The following CTSH variants were observed in gnomAD, a reference collection of about 807,000 sequenced individuals.
CTSH encodes cathepsin H, also known as pro-cathepsin H.
CTSH carries 52 observed loss-of-function variants against 56.3 expected under a neutral mutation model. The observed-to-expected ratio is 0.92, with a 90% CI of 0.74 to 1.16. The LOEUF (loss-of-function observed/expected upper bound fraction) is 1.16, where lower values mean the gene tolerates loss of function less well. Ranked by LOEUF, CTSH falls within the 50% of genes most tolerant of loss-of-function variation. CTSH has a pLI of 0.00. For synonymous variants in CTSH, 174 were observed against 155.7 expected, an observed-to-expected ratio of 1.12 and a Z score of -0.88; for missense variants, 406 against 424.5, an observed-to-expected ratio of 0.96 and a Z score of 0.38.
intron 1 of CTSH, among the ~76,000 whole-genome samples, chr15:78,941,243 G>A (rs2055281192): frequency 6.6e-6 from 1 of 150,918 alleles, no homozygotes; most frequent in African/African-American, 2.4e-5. Context: ...TGGCCAACAT[G>A]GTGAAACCTC....
At chr15:78,923,549 A>G (rs926719334) in intron 10 of CTSH, among the ~76,000 whole-genome samples, 18 of 152,150 alleles carry the variant, frequency 1.2e-4, no homozygotes, top group African/African-American at 3.9e-4. Context: ...TCGGCCTCCC[A>G]AAGTGCTGGG....
rs144398938 is a variant in CTSH at position 78,930,914 on chromosome 15, G to A, written c.548+537C>T. ...GAAATGTCTCAGAGCACTGCATGAAGGGAGGGCTAGAGTCACTGTAGAAAT... is the reference window on the plus strand; with the variant it reads ...GAAATGTCTCAGAGCACTGCATGAAAGGAGGGCTAGAGTCACTGTAGAAAT... On this transcript the variant is annotated intron_variant, in intron 7 of 11. Transcript: ENST00000220166. Among the ~76,000 whole-genome samples, 387 of 152,350 alleles carry A rather than the reference G, an allele frequency of 2.5e-3. 2 individuals carry two copies. Among genetic ancestry groups the A allele is most frequent in the Non-Finnish European group, 4.7e-3 (318 of 68,032 alleles).
chr15:78,936,151 G>T (rs898310351), intron 3 of CTSH, among the ~76,000 whole-genome samples: 1 of 150,660 alleles, frequency 6.6e-6, no homozygotes, highest in Non-Finnish European at 1.5e-5. Flanking sequence ...GCAGGGATGC[G>T]TGATCATTTC....
intron 9 of CTSH, 171 bp from the exon 10 acceptor site, chr15:78,925,611 C>T: frequency 1.8e-6 from 1 of 559,856 alleles, no homozygotes; most frequent in Non-Finnish European, 3.3e-6. Context: ...GTCTGTCTGG[C>T]CATCTCTCGT....
intron 1 of CTSH, among the ~76,000 whole-genome samples, chr15:78,944,113 T>G (rs150423218): frequency 3.3e-5 from 5 of 152,316 alleles, no homozygotes; most frequent in Non-Finnish European, 5.9e-5. Flanking sequence ...GTTTCTTGGC[T>G]ACTTTTCTCG....
At chr15:78,924,346 T>G (rs2054852786) in intron 10 of CTSH, among the ~76,000 whole-genome samples, 1 of 150,726 alleles carries the variant, frequency 6.6e-6, no homozygotes. Context: ...GCAAGAGGAG[T>G]GTTTCAGAAG....
At chr15:78,940,066 C>T (rs1461968489) in intron 1 of CTSH, among the ~76,000 whole-genome samples, 16 of 152,200 alleles carry the variant, frequency 1.1e-4, no homozygotes, top group South Asian at 2.1e-4. Flanking sequence ...GGTAGGACTG[C>T]GTTCCCGCAA....
intron 9 of CTSH, chr15:78,926,715 G>C (rs1216770711): frequency 6.6e-6 from 1 of 152,222 alleles, no homozygotes; most frequent in East Asian, 1.9e-4. Flanking sequence ...TTCAAATCCA[G>C]CATCTATTTC....
chr15:78,944,758 CAG>C (rs1020230364), intron 1 of CTSH, 131 bp downstream of exon 1: 2 of 1,353,924 alleles, frequency 1.5e-6, no homozygotes, highest in Admixed American at 3.2e-5. Flanking sequence ...TGCCAGCACG[CAG>C]AGTTCCTGGC....
intron 2 of CTSH, chr15:78,937,636 G>A: frequency 7.1e-7 from 1 of 1,402,740 alleles, no homozygotes; most frequent in African/African-American, 1.4e-5. Flanking sequence ...TGAAGACCAT[G>A]CAGCTGCGTG....
intron 10 of CTSH, among the ~76,000 whole-genome samples, chr15:78,924,825 G>A (rs999921341): frequency 6.6e-6 from 1 of 150,760 alleles, no homozygotes; most frequent in East Asian, 2.0e-4. Context: ...GAGTAGCTGG[G>A]ATTATAGGCA....
intron 1 of CTSH, 77 bp from the exon 2 acceptor site, chr15:78,939,248 A>G: frequency 8.1e-7 from 1 of 1,229,328 alleles, no homozygotes; most frequent in Non-Finnish European, 1.1e-6. Flanking sequence ...GGCACTTTAG[A>G]ACTGATTTGC....
chr15:78,939,807 C>T (rs901712319), intron 1 of CTSH, among the ~76,000 whole-genome samples: 12 of 152,268 alleles, frequency 7.9e-5, no homozygotes, highest in South Asian at 4.1e-4. Context: ...CGCTTGAACC[C>T]GGGAGGCGGA....
chr15:78,929,293 T>G, intron 8 of CTSH, 119 bp downstream of exon 8: 1 of 783,946 alleles, frequency 1.3e-6, no homozygotes, highest in Non-Finnish European at 2.2e-6. Context: ...GAACAGACAA[T>G]TGTGAGAATT....
chr15:78,935,263 A>G (rs1223763296), intron 4 of CTSH, among the ~76,000 whole-genome samples, 181 bp from the exon 5 acceptor site: 2 of 152,194 alleles, frequency 1.3e-5, no homozygotes, highest in Non-Finnish European at 2.9e-5. Flanking sequence ...TCCCCTTGAG[A>G]GTCCAGAGCA....
At chr15:78,922,486 C>T (rs1173561817) in intron 11 of CTSH, among the ~76,000 whole-genome samples, 1 of 152,126 alleles carries the variant, frequency 6.6e-6, no homozygotes, top group Non-Finnish European at 1.5e-5. Flanking sequence ...GGCCCTCACA[C>T]AGCTATTTTA....
At chr15:78,942,596 G>C (rs1327436477) in intron 1 of CTSH, among the ~76,000 whole-genome samples, 1 of 152,196 alleles carries the variant, frequency 6.6e-6, no homozygotes, top group African/African-American at 2.4e-5. Flanking sequence ...TTGAGGAATT[G>C]AGAATGCCAG....
At chr15:78,940,561 A>C (rs1397014806) in intron 1 of CTSH, among the ~76,000 whole-genome samples, 1 of 152,166 alleles carries the variant, frequency 6.6e-6, no homozygotes, top group African/African-American at 2.4e-5. Flanking sequence ...AAATCTCTAA[A>C]AATAAGATTG....
intron 2 of CTSH, among the ~76,000 whole-genome samples, chr15:78,938,754 C>G (rs929758948): frequency 6.6e-6 from 1 of 152,084 alleles, no homozygotes; most frequent in Non-Finnish European, 1.5e-5. Context: ...TACTAATTTC[C>G]TTTCTTTTGG....
Sources: allele counts gnomAD v4.1 joint callset (sites outside exome capture counted in the v4.1 genomes callset), GRCh38; gene constraint gnomAD v4.1.1; transcripts MANE v1.5; gene names NCBI Gene and HGNC (gene_info 2026-07-23, HGNC 2026-07-21).